Variants in MLIP observed in about 807,000 individuals in gnomAD.
MLIP encodes muscular LMNA interacting protein.
Under a neutral mutation model 84.8 loss-of-function variants are expected in MLIP, and 79 were observed. The ratio of observed to expected loss-of-function variants is 0.93; its 90% CI spans 0.78 to 1.12. The LOEUF (loss-of-function observed/expected upper bound fraction) is 1.12, where lower values mean the gene tolerates loss of function less well. Among genes scored for constraint, MLIP ranks in the 50% most tolerant of loss-of-function variants. MLIP has a pLI of 0.00. For synonymous variants in MLIP, 504 were observed against 463.0 expected (o/e 1.09, Z -1.14); for missense variants, 1,257 against 1,160.6 (o/e 1.08, Z -1.21).
chr6:54,141,792 T>C lies in MLIP; in HGVS notation c.2217+3506T>C, dbSNP rs200909420. The stretch of plus-strand genomic sequence containing the variant: ...GTCCATATGGAAATTAGGGTAAGCA[T>C]TTCATCAAAGCCTCGTAGAGTCTGC... On this transcript the variant is annotated intron_variant, in intron 4 of 13. Transcript: ENST00000502396. Among the ~76,000 whole-genome samples, 10 of 152,308 alleles carry C rather than the reference T, an allele frequency of 6.6e-5. No homozygotes were observed. In the East Asian group the frequency reaches 1.9e-3, roughly 29 times the overall value.
At chr6:54,227,554 T>C (rs548915129) in intron 11 of MLIP, among the ~76,000 whole-genome samples, 2 of 152,334 alleles carry the variant, frequency 1.3e-5, no homozygotes, top group Admixed American at 1.3e-4. Context: ...TTTCAGATTA[T>C]TGAGGACAAA....
At chr6:54,220,292 C>T (rs2150769484) in intron 11 of MLIP, among the ~76,000 whole-genome samples, 1 of 152,190 alleles carries the variant, frequency 6.6e-6, no homozygotes, top group East Asian at 1.9e-4. Context: ...ACAAAACCGG[C>T]ATCCAAGGTC....
intron 8 of MLIP, among the ~76,000 whole-genome samples, chr6:54,162,972 A>T (rs542078460): frequency 1.3e-5 from 2 of 152,100 alleles, no homozygotes; most frequent in South Asian, 2.1e-4. Context: ...GGAAGCTATA[A>T]GAAGAGAGTG....
chr6:54,247,349 T>C (rs1254527243), intron 12 of MLIP, among the ~76,000 whole-genome samples: 1 of 152,134 alleles, frequency 6.6e-6, no homozygotes, highest in Non-Finnish European at 1.5e-5. Flanking sequence ...CCATCATAGC[T>C]GTTAGTTTGT....
chr6:54,234,504 T>C (rs1781232749), intron 12 of MLIP, among the ~76,000 whole-genome samples: 1 of 152,086 alleles, frequency 6.6e-6, no homozygotes, highest in Non-Finnish European at 1.5e-5. Context: ...AATAAAACAA[T>C]ACAAAAGGAG....
rs746048055 is a variant in MLIP at position 54,133,102 on chromosome 6, T to C, written c.646-3613T>C. ...CAAAGTATTACTGAAACTTAAAAAA[T>C]AGGGGATGAGGGGTGTGAGACTGGA... On this transcript the variant is annotated intron_variant, in intron 3 of 13. Transcript: ENST00000502396. Among the ~76,000 whole-genome samples the C allele has an allele frequency of 3.3e-5, 5 of 151,900 alleles. No individual in the cohort carries two copies. In the South Asian group the frequency reaches 8.3e-4, roughly 25 times the overall value.
Position 54,262,758 on chromosome 6 carries a change from A to C in MLIP, c.2977-3192A>C, listed in dbSNP as rs192606941. On this transcript the variant is annotated intron_variant, in intron 13 of 13. Coordinates refer to ENST00000502396, the MANE Select transcript of MLIP (RefSeq NM_001281747.2). ...ATTTCAAAGAGAGGAGAAAGTACTT[A>C]CAATGATGAGTTTTCTAAAGTAAAT... 5.9e-5 allele frequency among the ~76,000 whole-genome samples: 9 copies of C among 152,198 alleles called. No homozygotes were observed. The East Asian group carries it at 1.4e-3, about 23-fold the overall frequency.
chr6:54,085,411 C>G (rs528979224), intron 1 of MLIP, among the ~76,000 whole-genome samples: 2 of 152,212 alleles, frequency 1.3e-5, no homozygotes, highest in South Asian at 4.2e-4. Context: ...TATAGTCGTA[C>G]CTATTTCAAA....
intron 11 of MLIP, among the ~76,000 whole-genome samples, chr6:54,224,754 G>A (rs1036648729): frequency 1.3e-5 from 2 of 150,916 alleles, no homozygotes; most frequent in African/African-American, 4.9e-5. Flanking sequence ...TTCCCCCCAA[G>A]TCCCCAAAGT....
At chr6:54,225,146 T>C (rs968689239) in intron 11 of MLIP, among the ~76,000 whole-genome samples, 1 of 152,154 alleles carries the variant, frequency 6.6e-6, no homozygotes, top group Non-Finnish European at 1.5e-5. Context: ...CTACTTTTAG[T>C]TCTTTAAGGA....
intron 1 of MLIP, among the ~76,000 whole-genome samples, chr6:54,054,210 C>T (rs954142943): frequency 6.6e-6 from 1 of 152,096 alleles, no homozygotes; most frequent in Non-Finnish European, 1.5e-5. Context: ...ATTTACATCC[C>T]ACACTGAGTC....
upstream of MLIP, among the ~76,000 whole-genome samples, chr6:54,107,630 A>T (rs1769112872): frequency 6.6e-6 from 1 of 152,228 alleles, no homozygotes; most frequent in Non-Finnish European, 1.5e-5. Flanking sequence ...ACAACCTGAC[A>T]TGCATTGCCC....
intron 1 of MLIP, among the ~76,000 whole-genome samples, chr6:54,074,305 A>G (rs554719838): frequency 6.6e-6 from 1 of 152,302 alleles, no homozygotes; most frequent in Admixed American, 6.5e-5. Flanking sequence ...GGAATGGGGA[A>G]ATTCTGCTGC....
chr6:54,101,987 A>G (rs1768686657), intron 1 of MLIP, among the ~76,000 whole-genome samples: 2 of 152,040 alleles, frequency 1.3e-5, no homozygotes, highest in African/African-American at 2.4e-5. Context: ...TAGGAACCAT[A>G]TTAGAAAGAA....
chr6:54,204,622 C>G (rs1307619939), intron 11 of MLIP, among the ~76,000 whole-genome samples: 1 of 152,150 alleles, frequency 6.6e-6, no homozygotes, highest in Non-Finnish European at 1.5e-5. Flanking sequence ...TTGAGTTAAT[C>G]TACCTGTAAT....
chr6:54,058,607 A>T (rs1009785065), intron 1 of MLIP, among the ~76,000 whole-genome samples: 1 of 152,214 alleles, frequency 6.6e-6, no homozygotes, highest in African/African-American at 2.4e-5. Flanking sequence ...AACACAGACC[A>T]TTTAATTCAA....
rs182785863 is a variant in MLIP, at chr6:54,266,230, C to T, written c.*275C>T. ...AATATTAAGCTGACCGCAATACTAA[C>T]GTGCCCCTATATTTGGCAGCCAAAT... On this transcript the variant is annotated 3_prime_UTR_variant, in exon 14 of 14. Transcript: ENST00000502396. 3.5e-4 allele frequency: 124 copies of T among 355,294 alleles called. No individual in the cohort carries two copies. The highest frequency in any genetic ancestry group is 2.2e-3 in the African/African-American group (107 of 47,904). 22.0% of individuals were successfully genotyped at this position (355,294 alleles called of 1,614,324 possible). A position where few individuals can be genotyped will look rare whatever the true frequency, so the allele number is the denominator to read the frequency against.
chr6:54,023,307 A>G (rs913226397), intron 1 of MLIP, among the ~76,000 whole-genome samples: 30 of 151,976 alleles, frequency 2.0e-4, no homozygotes, highest in African/African-American at 7.0e-4. Flanking sequence ...CCTTGAGTAA[A>G]AAAGCAACTC....
At chr6:54,195,555 TTGC>T in intron 10 of MLIP, among the ~76,000 whole-genome samples, 1 of 152,116 alleles carries the variant, frequency 6.6e-6, no homozygotes, top group Non-Finnish European at 1.5e-5. Flanking sequence ...CTGTACCAAC[TTGC>T]TGTCATAGAA....
Sources: gnomAD v4.1 joint callset for allele counts (sites outside exome capture counted in the v4.1 genomes callset) on GRCh38, gnomAD v4.1.1 for gene constraint, MANE v1.5 for transcripts, NCBI Gene and HGNC (gene_info 2026-07-23, HGNC 2026-07-21) for gene names.